The following ADAMTSL1 variants were observed in gnomAD, a reference collection of about 807,000 sequenced individuals.
The protein encoded by ADAMTSL1 is ADAMTS-like protein 1.
In ADAMTSL1, 126 loss-of-function variants were observed where a neutral mutation model predicts 201.8. The observed-to-expected ratio is 0.62, with a 90% CI of 0.54 to 0.72. ADAMTSL1 has a LOEUF of 0.72. ADAMTSL1 is among the 30% of genes least tolerant of loss of function. The pLI, the probability that ADAMTSL1 is intolerant of heterozygous loss-of-function variation, is 0.00. For synonymous variants in ADAMTSL1, 1,121 were observed against 903.4 expected (o/e 1.24, Z -4.32); for missense variants, 2,679 against 2,277.8 (o/e 1.18, Z -3.59).
chr9:18,314,296 A>T (rs966641279), intron 2 of ADAMTSL1, among the ~76,000 whole-genome samples: 3 of 152,152 alleles, frequency 2.0e-5, no homozygotes, highest in African/African-American at 7.2e-5. Context: ...TCAAAATTAA[A>T]AGTAGAACTA....
At chr9:18,349,364 G>C (rs570020176) in intron 2 of ADAMTSL1, among the ~76,000 whole-genome samples, 2 of 152,166 alleles carry the variant, frequency 1.3e-5, no homozygotes, top group African/African-American at 4.8e-5. Context: ...GTAGGTAGCT[G>C]TGTAGCTCTT....
intron 2 of ADAMTSL1, among the ~76,000 whole-genome samples, chr9:18,396,524 TATTA>T (rs1817759589): frequency 6.8e-6 from 1 of 148,124 alleles, no homozygotes; most frequent in African/African-American, 2.4e-5. Context: ...ATATTAATTA[TATTA>T]ATTTATATCA....
At chr9:18,098,416 C>A (rs189834132) in intron 1 of ADAMTSL1, among the ~76,000 whole-genome samples, 6 of 152,056 alleles carry the variant, frequency 3.9e-5, no homozygotes, top group African/African-American at 1.4e-4. Flanking sequence ...TTTAATTTCT[C>A]TTTGCATTGT....
chr9:18,772,501 A>G (rs1820753662), intron 17 of ADAMTSL1, among the ~76,000 whole-genome samples: 1 of 152,112 alleles, frequency 6.6e-6, no homozygotes, highest in Non-Finnish European at 1.5e-5. Flanking sequence ...TTCAGACTCA[A>G]AGACAGGCAA....
intron 3 of ADAMTSL1, among the ~76,000 whole-genome samples, chr9:18,536,478 G>A (rs1242396946): frequency 2.0e-5 from 3 of 150,530 alleles, no homozygotes; most frequent in Non-Finnish European, 3.0e-5. Context: ...CAGCTCACAG[G>A]CTTTTAAAAA....
At chr9:18,273,778 G>C (rs1666531789) in intron 2 of ADAMTSL1, among the ~76,000 whole-genome samples, 1 of 152,088 alleles carries the variant, frequency 6.6e-6, no homozygotes, top group Non-Finnish European at 1.5e-5. Context: ...AGATTTCAAT[G>C]GACAAAATGT....
intron 1 of ADAMTSL1, among the ~76,000 whole-genome samples, chr9:18,153,705 C>G (rs774461934): frequency 1.3e-5 from 2 of 152,112 alleles, no homozygotes; most frequent in South Asian, 4.1e-4. Context: ...AAAGTCATTA[C>G]GCTTAGAATT....
intron 16 of ADAMTSL1, among the ~76,000 whole-genome samples, chr9:18,757,290 C>T (rs574314698): frequency 6.6e-6 from 1 of 152,054 alleles, no homozygotes; most frequent in South Asian, 2.1e-4. Flanking sequence ...ATTAAATACA[C>T]TCATCATCAT....
chr9:18,520,908 G>A (rs188570160), intron 2 of ADAMTSL1, among the ~76,000 whole-genome samples: 2 of 152,270 alleles, frequency 1.3e-5, no homozygotes, highest in African/African-American at 2.4e-5. Flanking sequence ...GCTTCTGCGT[G>A]GGATTCAGGG....
At chr9:17,950,086 T>C (rs1029437009) in intron 1 of ADAMTSL1, among the ~76,000 whole-genome samples, 1 of 152,080 alleles carries the variant, frequency 6.6e-6, no homozygotes, top group African/African-American at 2.4e-5. Context: ...TGCCAGCTTA[T>C]TTTTTGTATT....
intron 2 of ADAMTSL1, among the ~76,000 whole-genome samples, chr9:18,443,847 A>G (rs1373570898): frequency 6.6e-6 from 1 of 152,230 alleles, no homozygotes; most frequent in East Asian, 1.9e-4. Context: ...GTCAACATGC[A>G]TTTGAATAGA....
rs189811304 is a variant in ADAMTSL1, at chr9:18,482,259, A to C, written c.63+7964A>C. On this transcript the variant is annotated intron_variant, in intron 1 of 28. Transcript: ENST00000380548. ...CTGAGGCAAGAAATTGCCGGACTCT[A>C]ATAGTTTCACCACCTGTGAATTATT... Among the ~76,000 whole-genome samples, 696 of 152,302 alleles carry C rather than the reference A, an allele frequency of 4.6e-3. 5 individuals are homozygous for C. The highest frequency in any genetic ancestry group is 0.016 in the African/African-American group (655 of 41,566).
intron 1 of ADAMTSL1, among the ~76,000 whole-genome samples, chr9:18,024,431 A>T (rs1407617032): frequency 6.6e-6 from 1 of 151,900 alleles, no homozygotes; most frequent in Non-Finnish European, 1.5e-5. Context: ...TCCTTCCTCT[A>T]GTACTCCCTA....
At chr9:18,452,309 T>C (rs1407408767) in intron 2 of ADAMTSL1, among the ~76,000 whole-genome samples, 2 of 152,320 alleles carry the variant, frequency 1.3e-5, no homozygotes, top group African/African-American at 2.4e-5. Flanking sequence ...CTTCATGACC[T>C]AATCACCTCT....
chr9:18,186,585 G>T (rs1013732608), intron 2 of ADAMTSL1, among the ~76,000 whole-genome samples: 53 of 152,130 alleles, frequency 3.5e-4, no homozygotes, highest in African/African-American at 1.3e-3. Context: ...TGACAGAACT[G>T]CTTAAAAAAA....
chr9:18,488,711 A>T (rs1822120020), intron 1 of ADAMTSL1, among the ~76,000 whole-genome samples: 1 of 152,132 alleles, frequency 6.6e-6, no homozygotes, highest in South Asian at 2.1e-4. Context: ...AAACATCAGC[A>T]ATTATTACTC....
intron 20 of ADAMTSL1, among the ~76,000 whole-genome samples, chr9:18,814,376 C>A (rs1823702714): frequency 6.6e-6 from 1 of 151,994 alleles, no homozygotes; most frequent in Non-Finnish European, 1.5e-5. Context: ...TTGGTTACAT[C>A]CAACTGAAAA....
At chr9:18,413,255 C>T (rs1166608509) in intron 2 of ADAMTSL1, among the ~76,000 whole-genome samples, 1 of 149,438 alleles carries the variant, frequency 6.7e-6, no homozygotes, top group Non-Finnish European at 1.5e-5. Context: ...ACCTTCGCCT[C>T]CTAGGTTCAA....
At chr9:18,833,475 A>G (rs530763827) in intron 23 of ADAMTSL1, among the ~76,000 whole-genome samples, 1 of 152,202 alleles carries the variant, frequency 6.6e-6, no homozygotes, top group East Asian at 1.9e-4. Context: ...AGTTTTTTTC[A>G]TGTGATTGTT....
Sources: gnomAD v4.1 joint callset for allele counts (sites outside exome capture counted in the v4.1 genomes callset) on GRCh38, gnomAD v4.1.1 for gene constraint, MANE v1.5 for transcripts, NCBI Gene and HGNC (gene_info 2026-07-23, HGNC 2026-07-21) for gene names.